EHF: variants seen among roughly 807,000 people sequenced by gnomAD.
The protein encoded by EHF is ESE3 transcription factor.
EHF carries 14 observed loss-of-function variants against 45.1 expected under a neutral mutation model. That is an observed-to-expected ratio of 0.31 (90% CI 0.21 to 0.49). The LOEUF (loss-of-function observed/expected upper bound fraction) is 0.49. Ranked by LOEUF, EHF falls within the 20% of genes least tolerant of loss-of-function variation. EHF has a pLI of 0.99. For synonymous variants in EHF, 136 were observed against 131.8 expected (o/e 1.03, Z -0.22); for missense variants, 282 against 371.4 (o/e 0.76, Z 1.98).
At chr11:34,632,366 G>A in intron 1 of EHF, 1 of 974,598 alleles carries the variant, frequency 1.0e-6, no homozygotes, top group Non-Finnish European at 1.4e-6. Context: ...TGAATTAACA[G>A]CTCTGTTTAC....
intron 1 of EHF, among the ~76,000 whole-genome samples, chr11:34,637,029 CAAAA>C (rs34992133): frequency 2.3e-5 from 2 of 86,884 alleles, no homozygotes; most frequent in Non-Finnish European, 2.2e-5. Flanking sequence ...AACTTCATCT[CAAAA>C]AAAAAAAAAA....
At chr11:34,631,241 A>G (rs545331619) in intron 1 of EHF, among the ~76,000 whole-genome samples, 108 of 152,208 alleles carry the variant, frequency 7.1e-4, no homozygotes, top group African/African-American at 2.4e-3. Context: ...CATATTAACT[A>G]CATTGGTCTT....
rs1259723313 is a variant in EHF at position 34,662,453 on chromosome 11, G to T, written c.*3522G>T. Among the ~76,000 whole-genome samples, 1 of 152,046 alleles carries T rather than the reference G, an allele frequency of 6.6e-6. No homozygotes were observed. Among genetic ancestry groups the T allele is most frequent in the Non-Finnish European group, 1.5e-5 (1 of 68,000 alleles). On this transcript the variant is annotated 3_prime_UTR_variant, in exon 9 of 9. Transcript: ENST00000257831. The stretch of plus-strand genomic sequence containing the variant: ...GAACTGTGAGACTTATCTGGTATGA[G>T]AAGCCAGTAATAAACCTTTGACCTG...
chr11:34,656,075 CACAT>C (rs1002222076), intron 6 of EHF, among the ~76,000 whole-genome samples: 14 of 151,824 alleles, frequency 9.2e-5, no homozygotes, highest in South Asian at 4.2e-4. Context: ...CACACACACA[CACAT>C]ATACACACAC....
At chr11:34,642,757 T>A in intron 2 of EHF, 30 bp downstream of exon 2, 1 of 1,498,842 alleles carries the variant, frequency 6.7e-7, no homozygotes, top group Non-Finnish European at 9.3e-7. Flanking sequence ...TTGGTGTCAC[T>A]GCTGTGCTGT....
At chr11:34,641,238 A>T (rs1415285460) in intron 1 of EHF, among the ~76,000 whole-genome samples, 2 of 152,204 alleles carry the variant, frequency 1.3e-5, no homozygotes, top group Non-Finnish European at 2.9e-5. Flanking sequence ...AACAGTGATG[A>T]TGAAGCTAAT....
At chr11:34,626,128 T>C (rs1288003454) in intron 1 of EHF, among the ~76,000 whole-genome samples, 1 of 152,268 alleles carries the variant, frequency 6.6e-6, no homozygotes, top group East Asian at 1.9e-4. Flanking sequence ...TTTGATGTTG[T>C]TGCAATTATG....
At chr11:34,656,313 C>T (rs1451399998) in intron 6 of EHF, among the ~76,000 whole-genome samples, 1 of 151,926 alleles carries the variant, frequency 6.6e-6, no homozygotes, top group Non-Finnish European at 1.5e-5. Context: ...TAAAATGTAA[C>T]TTTGCATGCC....
chr11:34,657,048 C>G, intron 7 of EHF, 78 bp downstream of exon 7: 1 of 1,525,142 alleles, frequency 6.6e-7, no homozygotes, highest in Non-Finnish European at 9.0e-7. Flanking sequence ...AGTTTTTTGG[C>G]AAATATCGCC....
In EHF at chr11:34,637,029, C is replaced by CAAA. The variant is rs34992133; in HGVS notation, c.-3-5580_-3-5578dup. On this transcript the variant is annotated intron_variant, in intron 1 of 8. Coordinates refer to ENST00000257831, the MANE Select transcript of EHF (RefSeq NM_012153.6). ...GGGCAACAAGAGCGAAACTTCATCT[C>CAAA]AAAAAAAAAAAAAAAAAAAAAGACA... 1.7e-3 allele frequency among the ~76,000 whole-genome samples: 147 copies of CAAA among 86,842 alleles called. 2 individuals are homozygous for CAAA. Among genetic ancestry groups the CAAA allele is most frequent in the African/African-American group, 6.2e-3 (136 of 22,098 alleles). 57.0% of individuals were successfully genotyped at this position (86,842 alleles called of 152,430 possible). A position where few individuals can be genotyped will look rare whatever the true frequency, so the allele number is the denominator to read the frequency against.
chr11:34,661,477 A>ACAACAATT lies in EHF; in HGVS notation c.*2548_*2555dup, dbSNP rs1349327013. Among the ~76,000 whole-genome samples, 1 of 152,178 alleles carries ACAACAATT rather than the reference A, an allele frequency of 6.6e-6. No individual in the cohort carries two copies. The highest frequency in any genetic ancestry group is 1.9e-4 in the East Asian group (1 of 5,188). On this transcript the variant is annotated 3_prime_UTR_variant, in exon 9 of 9. Coordinates refer to ENST00000257831, the MANE Select transcript of EHF (RefSeq NM_012153.6). ...TAAGTGAATGTGAAGAGTACCAACT[A>ACAACAATT]CAACAATTCTACAGATAATTAGTGG...
Position 34,622,395 on chromosome 11 carries a change from A to G in EHF, c.-4+1167A>G, listed in dbSNP as rs1336914347. 16 of 1,284,842 alleles carry G rather than the reference A, an allele frequency of 1.2e-5. No individual in the cohort carries two copies. In the South Asian group the frequency reaches 1.7e-4, roughly 14 times the overall value. The allele number at this position is 1,284,842 out of a possible 1,614,324, so 79.6% of individuals were successfully genotyped here. A position where few individuals can be genotyped will look rare whatever the true frequency, so the allele number is the denominator to read the frequency against. ...CTTACTGATGGAAGTCTAATTCAGG[A>G]GTTGGTTCTGCAGCCATGGAGGTAA... On this transcript the variant is annotated intron_variant, in intron 1 of 8. Transcript: ENST00000257831.
intron 1 of EHF, among the ~76,000 whole-genome samples, chr11:34,630,588 AT>A (rs1356308803): frequency 2.0e-5 from 3 of 152,082 alleles, no homozygotes; most frequent in African/African-American, 7.2e-5. Flanking sequence ...AAATGGTCAA[AT>A]CCATTGTCCT....
At chr11:34,630,274 T>C (rs1174934867) in intron 1 of EHF, among the ~76,000 whole-genome samples, 1 of 152,032 alleles carries the variant, frequency 6.6e-6, no homozygotes, top group Non-Finnish European at 1.5e-5. Context: ...CTTATTATAA[T>C]ATATCCAGTC....
At chr11:34,651,014 A>G (rs2134178387) in intron 4 of EHF, among the ~76,000 whole-genome samples, 1 of 152,156 alleles carries the variant, frequency 6.6e-6, no homozygotes, top group East Asian at 1.9e-4. Flanking sequence ...GGGGGCTGTC[A>G]CCCAACTTGG....
intron 7 of EHF, among the ~76,000 whole-genome samples, chr11:34,657,275 A>G (rs1855759495): frequency 6.6e-6 from 1 of 151,998 alleles, no homozygotes; most frequent in African/African-American, 2.4e-5. Context: ...TCTCTCCCAG[A>G]AGAAAAGGGT....
intron 1 of EHF, among the ~76,000 whole-genome samples, chr11:34,632,299 T>C (rs1007598573): frequency 6.6e-6 from 1 of 152,174 alleles, no homozygotes; most frequent in African/African-American, 2.4e-5. Flanking sequence ...AATGAAAAGG[T>C]AGGGCTTATA....
In EHF at chr11:34,658,673, G is replaced by A; in HGVS notation, c.748G>A (p.Gly250Ser). The A allele has an allele frequency of 6.2e-7, 1 of 1,613,682 alleles. No homozygotes were observed. The highest frequency in any genetic ancestry group is 8.5e-7 in the Non-Finnish European group (1 of 1,179,770). Residue 250 changes from glycine (G) to serine (S), a missense_variant, in exon 8 of 9, where the codon GGT becomes AGT. This residue lies in a region of EHF where 41 missense variants were observed against 87.0 expected (regional missense o/e 0.47). Transcript: ENST00000257831. ...LKSEAVAQLW[G>S]KKKNNSSMTY... ...ATCAGAGGCAGTGGCTCAGCTATGG[G>A]GTAAAAAGAAGAACAACAGCAGCAT... is the stretch of plus-strand genomic sequence containing the variant.
chr11:34,629,119 G>A (rs973842292), intron 1 of EHF, among the ~76,000 whole-genome samples: 10 of 152,188 alleles, frequency 6.6e-5, no homozygotes, highest in African/African-American at 2.2e-4. Flanking sequence ...ACCTCTGGTG[G>A]AAAGCTATGG....
Sources: allele counts gnomAD v4.1 joint callset (sites outside exome capture counted in the v4.1 genomes callset), GRCh38; gene constraint gnomAD v4.1.1; regional missense constraint gnomAD v4.1.1; transcripts MANE v1.5; gene names NCBI Gene and HGNC (gene_info 2026-07-23, HGNC 2026-07-21).